NEBL: variants seen among roughly 807,000 people sequenced by gnomAD.
NEBL encodes the protein nebulette.
NEBL carries 122 observed loss-of-function variants against 140.2 expected under a neutral mutation model. The ratio of observed to expected loss-of-function variants is 0.87; its 90% CI spans 0.75 to 1.01. NEBL has a LOEUF of 1.01. Ranked by LOEUF, NEBL falls within the 50% of genes least tolerant of loss-of-function variation. The pLI is 0.00. For missense variants in NEBL, 1,365 were observed against 1,231.3 expected (o/e 1.11, Z -1.62); for synonymous variants, 436 against 398.9 (o/e 1.09, Z -1.11).
chr10:21,046,163 A>G (rs543281634), intron 2 of NEBL, among the ~76,000 whole-genome samples: 1 of 152,300 alleles, frequency 6.6e-6, no homozygotes, highest in Non-Finnish European at 1.5e-5. Flanking sequence ...TCACTCATCC[A>G]TGAAATCTAA....
At chr10:21,102,979 C>G (rs904847477) in intron 2 of NEBL, among the ~76,000 whole-genome samples, 7 of 125,528 alleles carry the variant, frequency 5.6e-5, no homozygotes, top group African/African-American at 1.8e-4. Context: ...TCCCTCCCCC[C>G]ACCCCACTTC....
chr10:21,227,699 TTCTTCTTCTTCTTTCTTCTTCTTCTTC>T (rs1842176683), intron 3 of NEBL, among the ~76,000 whole-genome samples: 3 of 80,660 alleles, frequency 3.7e-5, no homozygotes, highest in African/African-American at 1.3e-4. Flanking sequence ...CTTCTTCTTC[TTCTTCTTCTTCTTTCTTCTTCTTCTTC>T]TTCTTCTTCT....
intron 26 of NEBL, among the ~76,000 whole-genome samples, chr10:20,802,374 T>C (rs1439440255): frequency 1.3e-5 from 2 of 152,186 alleles, no homozygotes; most frequent in African/African-American, 4.8e-5. Context: ...GCAGTAAAGA[T>C]AATTTCAAGT....
chr10:21,270,345 T>C (rs2132288463), intron 1 of NEBL, among the ~76,000 whole-genome samples: 1 of 151,140 alleles, frequency 6.6e-6, no homozygotes, highest in Non-Finnish European at 1.5e-5. Flanking sequence ...TATAATCTGA[T>C]AGAGTCTGAG....
upstream of NEBL, among the ~76,000 whole-genome samples, chr10:21,179,793 GA>G (rs1841359335): frequency 6.6e-6 from 1 of 152,056 alleles, no homozygotes; most frequent in South Asian, 2.1e-4. Context: ...GAAGACGGAG[GA>G]AGGGGAAGGG....
chr10:21,139,535 T>C (rs1324277420), intron 2 of NEBL, among the ~76,000 whole-genome samples: 1 of 152,188 alleles, frequency 6.6e-6, no homozygotes, highest in Non-Finnish European at 1.5e-5. Context: ...AGAAATTATA[T>C]GAGGTTTAGC....
upstream of NEBL, among the ~76,000 whole-genome samples, chr10:21,175,480 T>C (rs1482688270): frequency 6.6e-6 from 1 of 152,250 alleles, no homozygotes; most frequent in African/African-American, 2.4e-5. Flanking sequence ...GCCACTGCTC[T>C]GACAAATATT....
chr10:21,024,553 G>A lies in NEBL; in HGVS notation c.165-4352C>T, dbSNP rs182727673. Among the ~76,000 whole-genome samples the A allele has an allele frequency of 3.3e-3, 500 of 151,358 alleles. 3 individuals are homozygous for A. The highest frequency in any genetic ancestry group is 0.014 in the Middle Eastern group (4 of 288). ...CTTAACTATTGAGAAAGAGTGGGAT[G>A]GCCTCATGAGTTGAGACCATAAGAC... On this transcript the variant is annotated intron_variant, in intron 2 of 6. Transcript: ENST00000417816.
chr10:21,136,673 C>T (rs183147737), intron 2 of NEBL, among the ~76,000 whole-genome samples: 30 of 152,312 alleles, frequency 2.0e-4, no homozygotes, highest in Non-Finnish European at 2.9e-4. Context: ...TTCTACCCTA[C>T]GGCTGGACAA....
rs183635749 is a variant in NEBL, at chr10:21,082,345, T to G, written c.165-62144A>C. Among the ~76,000 whole-genome samples the G allele has an allele frequency of 2.8e-4, 43 of 152,134 alleles. No individual in the cohort carries two copies. In the East Asian group the frequency reaches 6.6e-3, roughly 23 times the overall value. ...GATCACAGTGATAAATAAATATTAGTGTTCTGATTTGGATGGTTAGAATGT... is the reference window on the plus strand; with the variant it reads ...GATCACAGTGATAAATAAATATTAGGGTTCTGATTTGGATGGTTAGAATGT... On this transcript the variant is annotated intron_variant, in intron 2 of 6. Coordinates refer to the NEBL transcript ENST00000417816.
chr10:21,140,634 C>T (rs922398484), intron 2 of NEBL, among the ~76,000 whole-genome samples: 1 of 152,110 alleles, frequency 6.6e-6, no homozygotes, highest in Non-Finnish European at 1.5e-5. Flanking sequence ...AATAACAAGA[C>T]ATTTACGGTA....
intron 4 of NEBL, among the ~76,000 whole-genome samples, chr10:20,934,212 C>G (rs546376439): frequency 3.9e-5 from 6 of 152,122 alleles, no homozygotes; most frequent in Non-Finnish European, 8.8e-5. Context: ...TTCTGAGCCC[C>G]AAGTATTCCT....
At chr10:21,114,495 G>A (rs934814136) in intron 2 of NEBL, among the ~76,000 whole-genome samples, 3 of 151,954 alleles carry the variant, frequency 2.0e-5, no homozygotes, top group Non-Finnish European at 4.4e-5. Context: ...CTGTCTATTT[G>A]TTCTACCAAT....
chr10:21,274,407 G>A (rs11012635), intron 1 of NEBL, among the ~76,000 whole-genome samples: 6,149 of 152,146 alleles, frequency 0.04, 438 homozygotes, highest in African/African-American at 0.14. Flanking sequence ...TATACACTGC[G>A]TTTTATTTAG....
intron 4 of NEBL, among the ~76,000 whole-genome samples, chr10:20,959,899 A>G (rs1303068122): frequency 6.6e-6 from 1 of 152,072 alleles, no homozygotes; most frequent in African/African-American, 2.4e-5. Context: ...CATATTATAT[A>G]TGATAAATAT....
chr10:21,240,623 A>G (rs1842426251), intron 3 of NEBL, among the ~76,000 whole-genome samples: 1 of 152,000 alleles, frequency 6.6e-6, no homozygotes, highest in Non-Finnish European at 1.5e-5. Flanking sequence ...TGTCACACAC[A>G]AAAAAAAGCC....
intron 2 of NEBL, among the ~76,000 whole-genome samples, chr10:21,079,649 A>C (rs1017617587): frequency 1.3e-5 from 2 of 152,160 alleles, no homozygotes; most frequent in African/African-American, 4.8e-5. Flanking sequence ...CCCTCTCAAT[A>C]AGATCTATGG....
chr10:20,827,089 G>A (rs950700802), intron 17 of NEBL, among the ~76,000 whole-genome samples: 7 of 151,992 alleles, frequency 4.6e-5, no homozygotes, highest in Non-Finnish European at 7.4e-5. Context: ...CCCTACTAAC[G>A]TCTACCCTTC....
At chr10:20,937,952 TG>T (rs1372593844) in intron 4 of NEBL, among the ~76,000 whole-genome samples, 1 of 152,160 alleles carries the variant, frequency 6.6e-6, no homozygotes, top group African/African-American at 2.4e-5. Context: ...AAGCTTGAAC[TG>T]GGTGGAGCCC....
Sources: gnomAD v4.1 joint callset for allele counts (sites outside exome capture counted in the v4.1 genomes callset) on GRCh38, gnomAD v4.1.1 for gene constraint, MANE v1.5 for transcripts, NCBI Gene and HGNC (gene_info 2026-07-23, HGNC 2026-07-21) for gene names.